HDAC9: variants seen among roughly 807,000 people sequenced by gnomAD.
HDAC9 encodes MEF-2 interacting transcription repressor (MITR) protein.
Under a neutral mutation model 139.4 loss-of-function variants are expected in HDAC9, and 41 were observed. The observed-to-expected ratio is 0.29, with a 90% CI of 0.23 to 0.38. The LOEUF (loss-of-function observed/expected upper bound fraction) is 0.38, where lower values mean the gene tolerates loss of function less well. Among genes scored for constraint, HDAC9 ranks in the 10% least tolerant of loss-of-function variants. The probability of loss-of-function intolerance (pLI) is 1.00; values close to 1 mark genes in which losing one functional copy is unlikely to be tolerated. For synonymous variants in HDAC9, 517 were observed against 476.2 expected (o/e 1.09, Z -1.12); for missense variants, 1,147 against 1,297.0 (o/e 0.88, Z 1.78).
At chr7:18,971,108 C>A (rs950814174) in intron 24 of HDAC9, among the ~76,000 whole-genome samples, 3 of 152,204 alleles carry the variant, frequency 2.0e-5, no homozygotes, top group African/African-American at 7.2e-5. Flanking sequence ...ATGGCCCTCA[C>A]CTCTAACTCT....
intron 21 of HDAC9, among the ~76,000 whole-genome samples, chr7:18,873,235 A>C (rs1442032784): frequency 6.6e-6 from 1 of 152,162 alleles, no homozygotes; most frequent in Admixed American, 6.5e-5. Flanking sequence ...GTGTATAGTA[A>C]ATAAAATTAG....
chr7:18,175,213 A>T (rs917438417), intron 2 of HDAC9, among the ~76,000 whole-genome samples: 10 of 152,026 alleles, frequency 6.6e-5, no homozygotes, highest in Admixed American at 6.6e-4. Flanking sequence ...TCCATCTCAG[A>T]TTGCCACGCT....
At chr7:18,857,574 G>GA (rs144824137) in intron 21 of HDAC9, among the ~76,000 whole-genome samples, 3 of 151,886 alleles carry the variant, frequency 2.0e-5, no homozygotes, top group East Asian at 1.9e-4. Context: ...TGAACTGGGA[G>GA]AAAAAAATCA....
At chr7:18,733,372 C>T (rs541812703) in intron 13 of HDAC9, among the ~76,000 whole-genome samples, 1 of 150,056 alleles carries the variant, frequency 6.7e-6, no homozygotes, top group African/African-American at 2.4e-5. Flanking sequence ...TTAAGGCCTT[C>T]TAGAGTAGCT....
At chr7:18,768,490 CCTTG>C (rs1174859021) in intron 16 of HDAC9, among the ~76,000 whole-genome samples, 2 of 152,152 alleles carry the variant, frequency 1.3e-5, no homozygotes, top group African/African-American at 4.8e-5. Flanking sequence ...CCACATTAAT[CCTTG>C]CTTATTTTTA....
At position 18,501,983 on chromosome 7, in the gene HDAC9, A is replaced by C. The variant is rs936446315; in HGVS notation, c.22+5659A>C. 3.3e-5 allele frequency among the ~76,000 whole-genome samples: 5 copies of C among 152,300 alleles called. No individual in the cohort carries two copies. The South Asian group carries it at 1.0e-3, about 32-fold the overall frequency. The stretch of plus-strand genomic sequence containing the variant: ...GTTAGGCAGCACCAGGTAGTCAAAA[A>C]TGGCAGCAGCATTCAGGTCCTTCAT... On this transcript the variant is annotated intron_variant, in intron 2 of 25. Coordinates refer to ENST00000686413, the MANE Select transcript of HDAC9 (RefSeq NM_178425.4).
chr7:18,772,688 A>T (rs1284537384), intron 16 of HDAC9, among the ~76,000 whole-genome samples: 1 of 151,990 alleles, frequency 6.6e-6, no homozygotes, highest in East Asian at 1.9e-4. Context: ...TCCTCTTCCT[A>T]ACTGTATCTG....
At chr7:18,157,602 G>A (rs1584377574) in intron 1 of HDAC9, among the ~76,000 whole-genome samples, 1 of 152,268 alleles carries the variant, frequency 6.6e-6, no homozygotes, top group Non-Finnish European at 1.5e-5. Flanking sequence ...TTTTTAAGAG[G>A]TCAGTGTTCT....
intron 2 of HDAC9, among the ~76,000 whole-genome samples, chr7:18,532,301 A>T (rs2128238376): frequency 6.6e-6 from 1 of 152,180 alleles, no homozygotes; most frequent in Middle Eastern, 3.4e-3. Context: ...GAATTAAAAT[A>T]CTTCCATACT....
intron 1 of HDAC9, among the ~76,000 whole-genome samples, chr7:18,307,105 G>A (rs1248211594): frequency 3.0e-5 from 2 of 67,420 alleles, no homozygotes; most frequent in Non-Finnish European, 8.0e-5. Context: ...TCTTGTGTGT[G>A]TGTGTGTGTG....
chr7:18,935,206 G>A (rs1781542750), intron 22 of HDAC9, among the ~76,000 whole-genome samples: 2 of 152,188 alleles, frequency 1.3e-5, no homozygotes, highest in South Asian at 2.1e-4. Context: ...CCTTAAGTTG[G>A]AAGGTAAAAA....
intron 1 of HDAC9, among the ~76,000 whole-genome samples, chr7:18,128,288 C>G (rs916187021): frequency 1.3e-5 from 2 of 152,060 alleles, no homozygotes; most frequent in Non-Finnish European, 2.9e-5. Flanking sequence ...AAAGTCTTTT[C>G]AGACCACTAA....
intron 6 of HDAC9, among the ~76,000 whole-genome samples, chr7:18,625,055 A>G (rs908632304): frequency 5.9e-5 from 9 of 152,148 alleles, no homozygotes; most frequent in African/African-American, 1.9e-4. Context: ...TCAGATCATC[A>G]CAATGCCTCA....
At chr7:18,223,763 A>G (rs1360983166) in intron 2 of HDAC9, among the ~76,000 whole-genome samples, 11 of 152,074 alleles carry the variant, frequency 7.2e-5, no homozygotes, top group African/African-American at 2.4e-4. Context: ...TATTATAATA[A>G]TCATCATTTC....
chr7:18,904,576 T>C (rs1401099082), intron 22 of HDAC9, among the ~76,000 whole-genome samples: 1 of 76,880 alleles, frequency 1.3e-5, no homozygotes, highest in Non-Finnish European at 3.1e-5. Context: ...CCATTTCTTT[T>C]TTTTTTTTTT....
chr7:18,935,685 G>A (rs1563069548), intron 22 of HDAC9, 124 bp from the exon 23 acceptor site: 2 of 795,456 alleles, frequency 2.5e-6, no homozygotes, highest in Non-Finnish European at 4.1e-6. Flanking sequence ...TTTAAGTATT[G>A]GATGAGTTAG....
intron 2 of HDAC9, among the ~76,000 whole-genome samples, chr7:18,163,465 C>G (rs1315016220): frequency 6.6e-6 from 1 of 152,186 alleles, no homozygotes; most frequent in African/African-American, 2.4e-5. Flanking sequence ...TTAAAACAAG[C>G]CCTATTCTCA....
At chr7:18,873,343 A>C (rs935247466) in intron 21 of HDAC9, among the ~76,000 whole-genome samples, 2 of 152,182 alleles carry the variant, frequency 1.3e-5, no homozygotes, top group Admixed American at 6.5e-5. Flanking sequence ...GTATTTATGA[A>C]CTTGAAGGAT....
chr7:18,710,698 C>T (rs558710098), intron 12 of HDAC9, among the ~76,000 whole-genome samples: 1 of 152,276 alleles, frequency 6.6e-6, no homozygotes, highest in South Asian at 2.1e-4. Flanking sequence ...GTTGAAAGTA[C>T]ATCAAATGCT....
Sources: gnomAD v4.1 joint callset for allele counts (sites outside exome capture counted in the v4.1 genomes callset) on GRCh38, gnomAD v4.1.1 for gene constraint, MANE v1.5 for transcripts, NCBI Gene and HGNC (gene_info 2026-07-23, HGNC 2026-07-21) for gene names.